The following TULP2 variants were observed in gnomAD, a reference collection of about 807,000 sequenced individuals.
TULP2 encodes TUB like protein 2.
TULP2 carries 64 observed loss-of-function variants against 60.3 expected under a neutral mutation model. The observed-to-expected ratio is 1.06, with a 90% CI of 0.87 to 1.31. The LOEUF (loss-of-function observed/expected upper bound fraction) is 1.31. Ranked by LOEUF, TULP2 falls within the 50% of genes most tolerant of loss-of-function variation. The pLI is 0.00. For missense variants in TULP2, 652 were observed against 667.0 expected (o/e 0.98, Z 0.25); for synonymous variants, 267 against 265.4 (o/e 1.01, Z -0.06).
chr19:48,892,186 G>C (rs968894999), intron 6 of TULP2, among the ~76,000 whole-genome samples: 13 of 152,214 alleles, frequency 8.5e-5, no homozygotes, highest in African/African-American at 2.9e-4. Flanking sequence ...TGTCGGGCTG[G>C]GGGACCGTCA....
At chr19:48,898,330 G>A (rs988159063) in intron 1 of TULP2, 1 of 148,266 alleles carries the variant, frequency 6.7e-6, no homozygotes, top group African/African-American at 2.5e-5. Flanking sequence ...ACCCACTCCT[G>A]TCGGGATCTA....
intron 6 of TULP2, among the ~76,000 whole-genome samples, chr19:48,890,186 T>C (rs200646859): frequency 6.6e-6 from 1 of 152,192 alleles, no homozygotes; most frequent in Non-Finnish European, 1.5e-5. Flanking sequence ...GATTGTACGT[T>C]CCATCTACTG....
intron 6 of TULP2, among the ~76,000 whole-genome samples, chr19:48,894,328 A>T (rs978183466): frequency 2.4e-4 from 36 of 152,054 alleles, no homozygotes; most frequent in Admixed American, 1.1e-3. Context: ...ATTTTTAAAA[A>T]TTTTTTTAAA....
At position 48,887,885 on chromosome 19, in the gene TULP2, A is replaced by G. The variant is rs1399884234; in HGVS notation, c.948+65T>C. On this transcript the variant is annotated intron_variant, in intron 8 of 12. Transcript: ENST00000221399. ...AGGCTGGTCTTGACCTAGCTCAGAA[A>G]GGAGTGGGATTTTGCCTGGGAGGTG... The G allele has an allele frequency of 3.9e-6, 6 of 1,540,354 alleles. No homozygotes were observed. The East Asian group carries it at 1.4e-4, about 35-fold the overall frequency.
Position 48,885,513 on chromosome 19 carries a change from A to G in TULP2, c.996T>C (p.Asn332=). 6.2e-7 allele frequency: 1 copy of G among 1,613,980 alleles called. No homozygotes were observed. Among genetic ancestry groups the G allele is most frequent in the Non-Finnish European group, 8.5e-7 (1 of 1,179,944 alleles). Residue 332 remains asparagine (N), a synonymous_variant, in exon 9 of 13, where the codon AAT becomes AAC. Coordinates refer to ENST00000221399, the MANE Select transcript of TULP2 (RefSeq NM_003323.3). Reference sequence around the variant, plus strand: ...GTGTAGGATCCAGGGAGATGAGGTAATTAGAAGTTTTGCTCCTTCTTCTCT... The same window carrying G: ...GTGTAGGATCCAGGGAGATGAGGTAGTTAGAAGTTTTGCTCCTTCTTCTCT... The part of the protein sequence containing the change: ...GRKRRRSKTS[N]YLISLDPTHL...
Position 48,888,088 on chromosome 19 carries a change from C to T in TULP2, c.810G>A (p.Glu270=). The T allele has an allele frequency of 6.2e-7, 1 of 1,614,214 alleles. No homozygotes were observed. Among genetic ancestry groups the T allele is most frequent in the Non-Finnish European group, 8.5e-7 (1 of 1,180,040 alleles). The change falls in exon 8 of 13, where the codon GAG becomes GAA. Residue 270 remains glutamate, a synonymous_variant. Coordinates refer to ENST00000221399, the MANE Select transcript of TULP2 (RefSeq NM_003323.3). ...GCCGCAGCACGTAGGCTTCCATGTC[C>T]TCCTCCAGCCCAGGGCAGGGGGAGC... is the stretch of plus-strand genomic sequence containing the variant. ...AIRSPCPGLE[E]DMEAYVLRPA... is the part of the protein sequence containing the mutation.
chr19:48,882,321 G>T, intron 11 of TULP2, 118 bp from the exon 12 acceptor site: 1 of 1,155,574 alleles, frequency 8.7e-7, no homozygotes, highest in Non-Finnish European at 1.2e-6. Context: ...TGGGTAAAAT[G>T]AGGATGAGAC....
At chr19:48,896,732 T>C in intron 3 of TULP2, 176 bp from the exon 4 acceptor site, 2 of 711,316 alleles carry the variant, frequency 2.8e-6, no homozygotes, top group Non-Finnish European at 4.3e-6. Flanking sequence ...ATTCCACCGT[T>C]GGACTCAGAT....
chr19:48,888,462 G>A (rs757552316), intron 7 of TULP2, among the ~76,000 whole-genome samples: 8 of 152,068 alleles, frequency 5.3e-5, no homozygotes, highest in Non-Finnish European at 8.8e-5. Flanking sequence ...GCAGCCACAC[G>A]CATTCCACCT....
chr19:48,881,154 T>C (rs2037126329), intron 12 of TULP2, 28 bp from the exon 13 acceptor site: 1 of 1,507,230 alleles, frequency 6.6e-7, no homozygotes, highest in South Asian at 1.2e-5. Context: ...AACAAAGCCT[T>C]AGCCTGACTC....
chr19:48,884,908 CTTTTTTTTTTT>C (rs745788084), intron 9 of TULP2, among the ~76,000 whole-genome samples: 75 of 97,382 alleles, frequency 7.7e-4, no homozygotes, highest in African/African-American at 7.8e-4. Flanking sequence ...TAGGAACCCT[CTTTTTTTTTTT>C]TTTTTTTTTT....
chr19:48,883,904 C>T, intron 10 of TULP2, 28 bp downstream of exon 10: 2 of 1,613,756 alleles, frequency 1.2e-6, no homozygotes, highest in East Asian at 2.2e-5. Flanking sequence ...ACTATCCTAC[C>T]CCATTCTCTC....
Position 48,889,556 on chromosome 19 carries a change from G to A in TULP2, c.590C>T (p.Pro197Leu). ...ATATACACAGTCACCATCCATTCCA[G>A]GGTTTGGTCCCATATTGGGTGACTT... ...AHKSPNMGPN[P>L]GMDGDCVYEN... The change falls in exon 7 of 13, where the codon CCT (proline) becomes CTT (leucine). Residue 197 changes from proline (P) to leucine (L), a missense_variant. Physicochemically the swap from Pro to Leu is moderately conservative, Grantham distance 98 (BLOSUM62 -3). Transcript: ENST00000221399. 1 of 1,586,532 alleles carries A rather than the reference G, an allele frequency of 6.3e-7. No homozygotes were observed. The highest frequency in any genetic ancestry group is 8.6e-7 in the Non-Finnish European group (1 of 1,157,736).
At chr19:48,896,732 T>G in intron 3 of TULP2, 176 bp from the exon 4 acceptor site, 1 of 711,316 alleles carries the variant, frequency 1.4e-6, no homozygotes, top group Non-Finnish European at 2.2e-6. Flanking sequence ...ATTCCACCGT[T>G]GGACTCAGAT....
At chr19:48,883,511 C>A (rs1404976068) in intron 11 of TULP2, among the ~76,000 whole-genome samples, 1 of 152,146 alleles carries the variant, frequency 6.6e-6, no homozygotes, top group African/African-American at 2.4e-5. Context: ...CTGGATCAGA[C>A]CCCTTTTTGG....
intron 8 of TULP2, among the ~76,000 whole-genome samples, chr19:48,887,343 T>TTTTTTTTTTTTTTTTTTTTG (rs1568571174): frequency 1.1e-5 from 1 of 88,762 alleles, no homozygotes; most frequent in Admixed American, 1.2e-4. Flanking sequence ...TTTTTTTTTT[T>TTTTTTTTTTTTTTTTTTTTG]ATGCAGAGTC....
intron 11 of TULP2, 46 bp from the exon 12 acceptor site, chr19:48,882,249 A>G (rs1417624788): frequency 6.2e-7 from 1 of 1,607,486 alleles, no homozygotes; most frequent in East Asian, 2.2e-5. Flanking sequence ...GGCTTTCGAA[A>G]CTCCATCTTG....
At chr19:48,894,223 T>C (rs995399503) in intron 6 of TULP2, among the ~76,000 whole-genome samples, 2 of 151,766 alleles carry the variant, frequency 1.3e-5, no homozygotes, top group African/African-American at 4.8e-5. Context: ...AGTAGAGACA[T>C]GGTTTCGTCA....
Position 48,895,426 on chromosome 19 carries a change from C to T in TULP2, c.289G>A (p.Val97Met). 1 of 1,613,948 alleles carries T rather than the reference C, an allele frequency of 6.2e-7. No homozygotes were observed. The change falls in exon 5 of 13, where the codon GTG (valine) becomes ATG (methionine). Residue 97 changes from valine to methionine, a missense_variant. Physicochemically the swap from Val to Met is conservative, Grantham distance 21 (BLOSUM62 1). Coordinates refer to ENST00000221399, the MANE Select transcript of TULP2 (RefSeq NM_003323.3). Reference sequence around the variant, plus strand: ...CCCCTGCCGTCTCCACCACAGCTCACGGTGCCCAGGGCACTGTGGATGCCA... The same window carrying T: ...CCCCTGCCGTCTCCACCACAGCTCATGGTGCCCAGGGCACTGTGGATGCCA... ...PSGIHSALGT[V>M]SCGGDGRGER...
Sources: gnomAD v4.1 joint callset for allele counts (sites outside exome capture counted in the v4.1 genomes callset) on GRCh38, gnomAD v4.1.1 for gene constraint, MANE v1.5 for transcripts, NCBI Gene and HGNC (gene_info 2026-07-23, HGNC 2026-07-21) for gene names.